DYNC1I1: variants seen among roughly 807,000 people sequenced by gnomAD.
DYNC1I1 encodes the protein cytoplasmic dynein 1 intermediate chain 1.
A neutral mutation model predicts 86.6 loss-of-function variants in DYNC1I1; 43 were observed. That is an observed-to-expected ratio of 0.50 (90% CI 0.39 to 0.64). The LOEUF is 0.64. DYNC1I1 is among the 30% of genes least tolerant of loss of function. The pLI is 0.00. For synonymous variants in DYNC1I1, 262 were observed against 283.7 expected (o/e 0.92, Z 0.77); for missense variants, 604 against 788.8 (o/e 0.77, Z 2.81).
intron 4 of DYNC1I1, among the ~76,000 whole-genome samples, chr7:95,813,647 A>G (rs1011929920): frequency 6.6e-6 from 1 of 152,168 alleles, no homozygotes; most frequent in African/African-American, 2.4e-5. Flanking sequence ...TTCATTATTT[A>G]GTAGATAATT....
Position 95,827,410 on chromosome 7 carries a change from A to G in DYNC1I1, c.315-647A>G, listed in dbSNP as rs188886799. Among the ~76,000 whole-genome samples, 13 of 152,374 alleles carry G rather than the reference A, an allele frequency of 8.5e-5. No individual in the cohort carries two copies. The East Asian group carries it at 1.9e-3, about 23-fold the overall frequency. ...AGGGAAATTGGATGCTTTGGTAACT[A>G]TTGATACTTTGTGCCATTGCTTATG... On this transcript the variant is annotated intron_variant, in intron 4 of 16. Transcript: ENST00000447467.
chr7:95,966,384 C>A (rs1012092808), intron 6 of DYNC1I1, among the ~76,000 whole-genome samples: 1 of 152,180 alleles, frequency 6.6e-6, no homozygotes, highest in African/African-American at 2.4e-5. Flanking sequence ...TCCTCTAAAT[C>A]TTAAGTAGTA....
chr7:95,831,297 A>C (rs1037518080), intron 5 of DYNC1I1, among the ~76,000 whole-genome samples: 3 of 152,150 alleles, frequency 2.0e-5, no homozygotes, highest in African/African-American at 7.2e-5. Context: ...TTTTTAAGCA[A>C]TTATTTTAAT....
chr7:96,017,167 A>G (rs1371778499), intron 10 of DYNC1I1, among the ~76,000 whole-genome samples: 1 of 152,192 alleles, frequency 6.6e-6, no homozygotes, highest in Non-Finnish European at 1.5e-5. Context: ...AAAGAGGTGG[A>G]TGTCAACACA....
chr7:95,811,661 C>G (rs1292531432), intron 3 of DYNC1I1, among the ~76,000 whole-genome samples: 1 of 152,048 alleles, frequency 6.6e-6, no homozygotes, highest in Non-Finnish European at 1.5e-5. Flanking sequence ...TTCAACAATG[C>G]TATAATAAGC....
chr7:95,795,931 T>C (rs1435756090), intron 1 of DYNC1I1, among the ~76,000 whole-genome samples: 1 of 151,204 alleles, frequency 6.6e-6, no homozygotes, highest in East Asian at 1.9e-4. Flanking sequence ...AATGCCTCTG[T>C]GAACAAAGAT....
At position 95,828,075 on chromosome 7, in the gene DYNC1I1, A is replaced by G; in HGVS notation, c.333A>G (p.Thr111=). The G allele has an allele frequency of 6.2e-7, 1 of 1,613,872 alleles. No individual in the cohort carries two copies. Among genetic ancestry groups the G allele is most frequent in the Non-Finnish European group, 8.5e-7 (1 of 1,179,802 alleles). ...GPLTRTLQWD[T]DPSVLQLQSD... The stretch of plus-strand genomic sequence containing the variant: ...CAATTAGGACCCTGCAGTGGGACAC[A>G]GACCCCTCAGTGCTCCAGCTGCAGT... Residue 111 remains threonine, a synonymous_variant, in exon 5 of 17, where the codon ACA becomes ACG. Transcript: ENST00000447467.
intron 16 of DYNC1I1, among the ~76,000 whole-genome samples, chr7:96,104,725 T>A (rs56876894): frequency 0.2 from 29,824 of 152,124 alleles, 3,096 homozygotes; most frequent in South Asian, 0.35. Context: ...TGTTTCACTA[T>A]TTAATTTATC....
chr7:95,998,442 T>G (rs1003264692), intron 10 of DYNC1I1, among the ~76,000 whole-genome samples: 1 of 152,218 alleles, frequency 6.6e-6, no homozygotes, highest in East Asian at 1.9e-4. Flanking sequence ...AATTTAGAGA[T>G]CCCACAGAAT....
chr7:95,987,439 T>C (rs1389837576), intron 9 of DYNC1I1, among the ~76,000 whole-genome samples: 1 of 152,214 alleles, frequency 6.6e-6, no homozygotes, highest in Non-Finnish European at 1.5e-5. Context: ...CCTGTGGATA[T>C]TTTTAATCCC....
At chr7:96,017,267 AG>A (rs760369549) in intron 10 of DYNC1I1, among the ~76,000 whole-genome samples, 45 of 152,198 alleles carry the variant, frequency 3.0e-4, no homozygotes, top group Non-Finnish European at 5.6e-4. Flanking sequence ...TAACATACAA[AG>A]GCAACCATAT....
chr7:95,800,172 G>A (rs1794544151), intron 1 of DYNC1I1, among the ~76,000 whole-genome samples: 2 of 151,412 alleles, frequency 1.3e-5, no homozygotes, highest in African/African-American at 4.9e-5. Flanking sequence ...AGGATAAAGG[G>A]TAAATCAAAG....
At chr7:96,091,950 GT>G (rs1790860798) in intron 16 of DYNC1I1, among the ~76,000 whole-genome samples, 1 of 152,140 alleles carries the variant, frequency 6.6e-6, no homozygotes, top group Non-Finnish European at 1.5e-5. Flanking sequence ...GTATGTGCAT[GT>G]CTACATATGT....
intron 6 of DYNC1I1, among the ~76,000 whole-genome samples, chr7:95,892,412 G>A (rs945767113): frequency 3.3e-5 from 5 of 152,042 alleles, no homozygotes; most frequent in South Asian, 2.1e-4. Context: ...CCGGGTTCAC[G>A]CCATTCTCCC....
At chr7:96,002,780 A>G (rs1380880408) in intron 10 of DYNC1I1, among the ~76,000 whole-genome samples, 1 of 151,848 alleles carries the variant, frequency 6.6e-6, no homozygotes, top group Non-Finnish European at 1.5e-5. Flanking sequence ...CTTACCAATG[A>G]GTACAAAATA....
At chr7:95,983,423 T>A (rs983268466) in intron 7 of DYNC1I1, among the ~76,000 whole-genome samples, 4 of 152,146 alleles carry the variant, frequency 2.6e-5, no homozygotes, top group Non-Finnish European at 4.4e-5. Flanking sequence ...TTTCTTAAGG[T>A]GTGAACCAAC....
intron 14 of DYNC1I1, among the ~76,000 whole-genome samples, chr7:96,040,476 G>T (rs2116043631): frequency 6.6e-6 from 1 of 152,194 alleles, no homozygotes; most frequent in Non-Finnish European, 1.5e-5. Flanking sequence ...AGGAGAGGGA[G>T]TCATCAGCAG....
chr7:95,832,862 G>T (rs895822219), intron 5 of DYNC1I1, among the ~76,000 whole-genome samples: 5 of 152,154 alleles, frequency 3.3e-5, no homozygotes. Flanking sequence ...GTAGATTCTG[G>T]ATATTAGCCC....
At chr7:96,057,112 T>A (rs1447421041) in intron 14 of DYNC1I1, among the ~76,000 whole-genome samples, 1 of 152,134 alleles carries the variant, frequency 6.6e-6, no homozygotes, top group Non-Finnish European at 1.5e-5. Flanking sequence ...TGCTCCTGGG[T>A]GTAGGAACTC....
Sources: allele counts gnomAD v4.1 joint callset (sites outside exome capture counted in the v4.1 genomes callset), GRCh38; gene constraint gnomAD v4.1.1; transcripts MANE v1.5; gene names NCBI Gene and HGNC (gene_info 2026-07-23, HGNC 2026-07-21).